ADGRB1: variants seen among roughly 807,000 people sequenced by gnomAD.
ADGRB1 encodes brain-specific angiogenesis inhibitor 1.
In ADGRB1, 36 loss-of-function variants were observed where a neutral mutation model predicts 175.7. That is an observed-to-expected ratio of 0.20 (90% CI 0.16 to 0.27). ADGRB1 has a LOEUF of 0.27. Among genes scored for constraint, ADGRB1 ranks in the 10% least tolerant of loss-of-function variants. The pLI is 1.00. For missense variants in ADGRB1, 1,731 were observed against 2,255.3 expected (o/e 0.77, Z 4.71); for synonymous variants, 1,054 against 979.4 (o/e 1.08, Z -1.42).
Position 142,464,080 on chromosome 8 carries a change from TGCCCCGCC to T in ADGRB1, c.-118_-111del. ...GCGGGGCCCTCTCCCATCCCACCCT[TGCCCCGCC>T]TCCCTGCCCCCACCGGGCCGGCCCT... On this transcript the variant is annotated 5_prime_UTR_variant, in exon 2 of 31. Transcript: ENST00000517894. 6.5e-6 allele frequency: 4 copies of T among 617,008 alleles called. No individual in the cohort carries two copies. The highest frequency in any genetic ancestry group is 8.7e-6 in the Non-Finnish European group (4 of 457,910). The allele number at this position is 617,008 out of a possible 1,614,324, so 38.2% of individuals were successfully genotyped here. A position where few individuals can be genotyped will look rare whatever the true frequency, so the allele number is the denominator to read the frequency against.
chr8:142,539,286 C>A, intron 26 of ADGRB1, 88 bp from the exon 27 acceptor site: 1 of 1,382,988 alleles, frequency 7.2e-7, no homozygotes, highest in Non-Finnish European at 1.0e-6. Flanking sequence ...AGCAGGAGCA[C>A]CGTGGCCCTC....
intron 24 of ADGRB1, among the ~76,000 whole-genome samples, chr8:142,531,253 G>A (rs914620823): frequency 6.6e-6 from 1 of 152,256 alleles, no homozygotes; most frequent in African/African-American, 2.4e-5. Context: ...CCCCAGCCGA[G>A]GGGTCCTGCT....
At chr8:142,530,019 T>C (rs567833643) in intron 24 of ADGRB1, among the ~76,000 whole-genome samples, 9 of 152,134 alleles carry the variant, frequency 5.9e-5, no homozygotes, top group African/African-American at 2.2e-4. Context: ...TGTGCGTATG[T>C]GTGAGCGTGC....
chr8:142,477,282 G>C lies in ADGRB1; in HGVS notation c.1222+4G>C. The C allele has an allele frequency of 1.3e-6, 2 of 1,533,108 alleles. No homozygotes were observed. The highest frequency in any genetic ancestry group is 2.2e-5 in the South Asian group (2 of 88,956). 95.0% of individuals were successfully genotyped at this position (1,533,108 alleles called of 1,614,324 possible). A position where few individuals can be genotyped will look rare whatever the true frequency, so the allele number is the denominator to read the frequency against. ...AACAACTCTGCCGTGTGCCCAGGTG[G>C]GTGGGACCTTGGGCTGGGGCAGCGG... On this transcript the variant is annotated splice_donor_region_variant and intron_variant, in intron 5 of 30. Transcript: ENST00000517894.
intron 4 of ADGRB1, 117 bp downstream of exon 4, chr8:142,476,812 C>T: frequency 3.6e-6 from 4 of 1,114,986 alleles, no homozygotes; most frequent in Middle Eastern, 2.7e-4. Flanking sequence ...AGACTAAACC[C>T]TTAGGTGCAG....
intron 11 of ADGRB1, among the ~76,000 whole-genome samples, chr8:142,481,971 CCTGGTCACACACTGAGCT>C (rs1213371831): frequency 6.6e-6 from 1 of 151,100 alleles, no homozygotes; most frequent in Non-Finnish European, 1.5e-5. Context: ...GAGCCCTGAT[CCTGGTCACACACTGAGCT>C]CTGGTCACAC....
In ADGRB1 at chr8:142,544,626, G is replaced by C; in HGVS notation, c.*209G>C. On this transcript the variant is annotated 3_prime_UTR_variant, in exon 31 of 31. Coordinates refer to ENST00000517894, the MANE Select transcript of ADGRB1 (RefSeq NM_001702.3). ...GGAGGCGGCCCGGCCAGCGGGCACA[G>C]GGCACCAGAGGCCGAAGGTGCCTCA... 2.0e-6 allele frequency: 1 copy of C among 504,450 alleles called. No homozygotes were observed. Among genetic ancestry groups the C allele is most frequent in the Non-Finnish European group, 3.2e-6 (1 of 314,840 alleles). The allele number at this position is 504,450 out of a possible 1,614,324, so 31.2% of individuals were successfully genotyped here.
intron 17 of ADGRB1, among the ~76,000 whole-genome samples, chr8:142,495,425 G>A (rs1842168953): frequency 6.6e-6 from 1 of 152,130 alleles, no homozygotes; most frequent in Non-Finnish European, 1.5e-5. Flanking sequence ...CAGTTTCCCA[G>A]GGCTGCCCTA....
rs796723273 is a variant in ADGRB1 at position 142,465,020 on chromosome 8, T to C, written c.784+38T>C. On this transcript the variant is annotated intron_variant, in intron 2 of 30. Coordinates refer to ENST00000517894, the MANE Select transcript of ADGRB1 (RefSeq NM_001702.3). ...CGGGGAAACCTTCGGACAGGGGAGG[T>C]GGGCAGACAGGGGAGGCGGGCAGAC... The C allele has an allele frequency of 4.9e-5, 47 of 951,544 alleles. No homozygotes were observed. In the Admixed American group the frequency reaches 1.3e-3, roughly 26 times the overall value. 58.9% of individuals were successfully genotyped at this position (951,544 alleles called of 1,614,324 possible). A position where few individuals can be genotyped will look rare whatever the true frequency, so the allele number is the denominator to read the frequency against.
rs181189842 is a variant in ADGRB1 at position 142,481,497 on chromosome 8, G to T, written c.1936-20G>T. The T allele has an allele frequency of 6.4e-7, 1 of 1,570,212 alleles. No homozygotes were observed. The highest frequency in any genetic ancestry group is 1.8e-5 in the Admixed American group (1 of 54,808). On this transcript the variant is annotated intron_variant, in intron 10 of 30. Coordinates refer to ENST00000517894, the MANE Select transcript of ADGRB1 (RefSeq NM_001702.3). The stretch of plus-strand genomic sequence containing the variant: ...ATGTTCCACAGAGGTGAAGGCACCC[G>T]CCCTCTCTGTCTTCCGCAGACCCGG...
chr8:142,504,986 G>A lies in ADGRB1; in HGVS notation c.2676-5946G>A, dbSNP rs993002947. Among the ~76,000 whole-genome samples, 2 of 146,396 alleles carry A rather than the reference G, an allele frequency of 1.4e-5. No homozygotes were observed. Among genetic ancestry groups the A allele is most frequent in the Admixed American group, 7.2e-5 (1 of 13,898 alleles). The stretch of plus-strand genomic sequence containing the variant: ...TCAAATCCAAGGGGACCCCGACAGC[G>A]CACAGTCCCATAATAGCACCTGCTT... On this transcript the variant is annotated intron_variant, in intron 17 of 30. Coordinates refer to ENST00000517894, the MANE Select transcript of ADGRB1 (RefSeq NM_001702.3). The surrounding 1 kb of genome is among the most constrained non-coding windows in gnomAD (Gnocchi z 5.6).
intron 24 of ADGRB1, among the ~76,000 whole-genome samples, chr8:142,530,165 G>C (rs140153425): frequency 3.9e-5 from 6 of 152,058 alleles, no homozygotes; most frequent in African/African-American, 1.4e-4. Context: ...CTGTGTGTGC[G>C]TGTGTGTGTA....
At chr8:142,531,806 C>A (rs1255966598) in intron 24 of ADGRB1, among the ~76,000 whole-genome samples, 1 of 152,128 alleles carries the variant, frequency 6.6e-6, no homozygotes, top group Non-Finnish European at 1.5e-5. Flanking sequence ...GGTAGAGGGC[C>A]GGATGGAGGA....
intron 17 of ADGRB1, among the ~76,000 whole-genome samples, chr8:142,495,221 G>A (rs1842157299): frequency 6.6e-6 from 1 of 152,118 alleles, no homozygotes; most frequent in Non-Finnish European, 1.5e-5. Flanking sequence ...GTGCAGCTGT[G>A]GGTTGCTGGG....
At chr8:142,540,452 A>G (rs1470288287) in intron 27 of ADGRB1, among the ~76,000 whole-genome samples, 1 of 146,282 alleles carries the variant, frequency 6.8e-6, no homozygotes, top group East Asian at 2.1e-4. Flanking sequence ...CGCTGGCTAC[A>G]GCGCCTGGTG....
intron 22 of ADGRB1, among the ~76,000 whole-genome samples, chr8:142,523,043 T>C (rs1383766219): frequency 6.6e-6 from 1 of 152,180 alleles, no homozygotes; most frequent in African/African-American, 2.4e-5. Context: ...CTCTGTACGG[T>C]GCTGGTGAGA....
chr8:142,479,570 G>C (rs1406193904), intron 8 of ADGRB1, 83 bp downstream of exon 8: 1 of 1,519,430 alleles, frequency 6.6e-7, no homozygotes, highest in Non-Finnish European at 8.8e-7. Flanking sequence ...CACCCACGTG[G>C]TGTGTTGGGG....
At chr8:142,488,957 G>C in intron 14 of ADGRB1, 78 bp from the exon 15 acceptor site, 2 of 1,506,188 alleles carry the variant, frequency 1.3e-6, no homozygotes, top group Non-Finnish European at 1.8e-6. Flanking sequence ...CAGTGACAGC[G>C]GGGTCCAGGC....
chr8:142,538,906 G>A (rs1425527564), intron 26 of ADGRB1, among the ~76,000 whole-genome samples: 1 of 152,194 alleles, frequency 6.6e-6, no homozygotes, highest in African/African-American at 2.4e-5. Context: ...GGGGAGAGAT[G>A]AGACCAGAGG....
Sources: allele counts gnomAD v4.1 joint callset (sites outside exome capture counted in the v4.1 genomes callset), GRCh38; gene constraint gnomAD v4.1.1; non-coding constraint Gnocchi (gnomAD v3.1); transcripts MANE v1.5; gene names NCBI Gene and HGNC (gene_info 2026-07-23, HGNC 2026-07-21).